FAM222B: variants seen among roughly 807,000 people sequenced by gnomAD.
FAM222B encodes the protein protein FAM222B.
A neutral mutation model predicts 38.0 loss-of-function variants in FAM222B; 12 were observed. That is an observed-to-expected ratio of 0.32 (90% confidence interval 0.20 to 0.51). The LOEUF (loss-of-function observed/expected upper bound fraction) is 0.51, where lower values mean the gene tolerates loss of function less well. Ranked by LOEUF, FAM222B falls within the 20% of genes least tolerant of loss-of-function variation. The pLI is 0.97. For missense variants in FAM222B, 716 were observed against 754.2 expected, an observed-to-expected ratio of 0.95 and a Z score of 0.59; for synonymous variants, 329 against 317.2, an observed-to-expected ratio of 1.04 and a Z score of -0.40.
rs71135852 is a variant in FAM222B, at chr17:28,790,884, C to CATTTTTTTTTTTTTTTTTTTTTTT, written c.-40-24178_-40-24177insAAAAAAAAAAAAAAAAAAAAAAAT. On this transcript the variant is annotated intron_variant, in intron 1 of 2. Transcript: ENST00000581407. ...GTTCTATATATTTCAAATTGTTTCA[C>CATTTTTTTTTTTTTTTTTTTTTTT]TTTTTTTTTTTTTTTTTTTTTTTTT... is the stretch of plus-strand genomic sequence containing the variant. Among the ~76,000 whole-genome samples, 379 of 86,086 alleles carry CATTTTTTTTTTTTTTTTTTTTTTT rather than the reference C, an allele frequency of 4.4e-3. 154 individuals carry two copies. The highest frequency in any genetic ancestry group is 7.6e-3 in the Middle Eastern group (1 of 132). 56.5% of individuals were successfully genotyped at this position (86,086 alleles called of 152,430 possible). A position where few individuals can be genotyped will look rare whatever the true frequency, so the allele number is the denominator to read the frequency against.
intron 1 of FAM222B, among the ~76,000 whole-genome samples, chr17:28,790,915 T>TTTTTTTTTTTTTTTTTTA (rs752443903): frequency 1.7e-5 from 2 of 121,046 alleles, no homozygotes; most frequent in African/African-American, 3.2e-5. Context: ...TTTTTTTTTT[T>TTTTTTTTTTTTTTTTTTA]AGAGACAGAA....
At chr17:28,821,044 C>A (rs1020476280) in intron 1 of FAM222B, among the ~76,000 whole-genome samples, 3 of 151,908 alleles carry the variant, frequency 2.0e-5, no homozygotes, top group Admixed American at 1.3e-4. Context: ...CAACCTCCCC[C>A]ACCTGGGTTC....
At chr17:28,851,897 C>T (rs755832994) in intron 1 of FAM222B, among the ~76,000 whole-genome samples, 2 of 144,332 alleles carry the variant, frequency 1.4e-5, no homozygotes, top group African/African-American at 5.1e-5. Context: ...AAACCAAAAA[C>T]AGAAATTAGC....
At chr17:28,836,797 C>A (rs572903780) in intron 1 of FAM222B, among the ~76,000 whole-genome samples, 2 of 152,148 alleles carry the variant, frequency 1.3e-5, no homozygotes, top group African/African-American at 4.8e-5. Flanking sequence ...TGGTGGATTT[C>A]GTTTCTGCCT....
At chr17:28,767,903 C>A (rs1007508207) in intron 1 of FAM222B, among the ~76,000 whole-genome samples, 5 of 152,172 alleles carry the variant, frequency 3.3e-5, no homozygotes, top group African/African-American at 1.2e-4. Flanking sequence ...TCCTGAACTA[C>A]CTCTCCCACC....
At chr17:28,854,092 C>T (rs904360173) in intron 1 of FAM222B, among the ~76,000 whole-genome samples, 1 of 151,948 alleles carries the variant, frequency 6.6e-6, no homozygotes, top group African/African-American at 2.4e-5. Context: ...TACAGGCGCC[C>T]GCCACCACGC....
chr17:28,841,338 C>G (rs1182749290), intron 1 of FAM222B, among the ~76,000 whole-genome samples: 1 of 152,164 alleles, frequency 6.6e-6, no homozygotes, highest in Non-Finnish European at 1.5e-5. Flanking sequence ...TTTCACATCC[C>G]TCACTGGGCA....
At chr17:28,833,998 C>G (rs1007029196) in intron 1 of FAM222B, among the ~76,000 whole-genome samples, 3 of 152,178 alleles carry the variant, frequency 2.0e-5, no homozygotes, top group Non-Finnish European at 4.4e-5. Context: ...ACATCACATT[C>G]CACTTAGTTG....
intron 1 of FAM222B, among the ~76,000 whole-genome samples, chr17:28,789,590 A>C (rs2151865887): frequency 6.6e-6 from 1 of 152,252 alleles, no homozygotes; most frequent in African/African-American, 2.4e-5. Context: ...CTTCAATTGA[A>C]TTAGAAATGG....
intron 1 of FAM222B, among the ~76,000 whole-genome samples, chr17:28,806,343 T>C (rs1450817916): frequency 2.0e-5 from 3 of 152,280 alleles, no homozygotes; most frequent in East Asian, 3.9e-4. Context: ...GTCCATATCT[T>C]GGTAAAGATG....
intron 1 of FAM222B, among the ~76,000 whole-genome samples, chr17:28,780,954 C>T (rs1337992911): frequency 6.6e-6 from 1 of 151,244 alleles, no homozygotes; most frequent in Non-Finnish European, 1.5e-5. Flanking sequence ...TATTTGCAAA[C>T]CATACATCCA....
intron 1 of FAM222B, among the ~76,000 whole-genome samples, chr17:28,820,445 A>C (rs763824269): frequency 2.0e-5 from 3 of 152,174 alleles, no homozygotes; most frequent in African/African-American, 4.8e-5. Context: ...AATGTCTTTA[A>C]GGTGTTACCT....
intron 1 of FAM222B, among the ~76,000 whole-genome samples, chr17:28,824,805 G>A (rs1052684480): frequency 2.6e-5 from 4 of 151,986 alleles, no homozygotes; most frequent in South Asian, 2.1e-4. Flanking sequence ...GTGGAGTTTC[G>A]CTCTTGTTGA....
At chr17:28,813,433 C>G (rs2037891288) in intron 1 of FAM222B, among the ~76,000 whole-genome samples, 1 of 152,038 alleles carries the variant, frequency 6.6e-6, no homozygotes, top group Non-Finnish European at 1.5e-5. Flanking sequence ...AAGTATATAA[C>G]TGGTATAATA....
At chr17:28,831,037 C>T (rs1300479651) in intron 1 of FAM222B, among the ~76,000 whole-genome samples, 1 of 143,926 alleles carries the variant, frequency 6.9e-6, no homozygotes, top group Non-Finnish European at 1.5e-5. Flanking sequence ...GCTCTGTCAC[C>T]TTGGCTGGAA....
chr17:28,828,568 G>GAAA (rs34469459), intron 1 of FAM222B, among the ~76,000 whole-genome samples: 2 of 127,962 alleles, frequency 1.6e-5, no homozygotes, highest in Admixed American at 7.9e-5. Flanking sequence ...ACTCTGTCAC[G>GAAA]AAAAAAAAAA....
chr17:28,843,793 G>C (rs1270613970), upstream of FAM222B, among the ~76,000 whole-genome samples: 1 of 152,010 alleles, frequency 6.6e-6, no homozygotes, highest in Admixed American at 6.6e-5. Flanking sequence ...ATGTATCGGG[G>C]GTAATTATGT....
At chr17:28,836,234 C>T (rs562840510) in intron 1 of FAM222B, among the ~76,000 whole-genome samples, 8 of 150,788 alleles carry the variant, frequency 5.3e-5, no homozygotes, top group African/African-American at 7.3e-5. Context: ...GTGATCCACC[C>T]GCCTCGGCCT....
chr17:28,830,438 G>A (rs2038626925), intron 1 of FAM222B, among the ~76,000 whole-genome samples: 1 of 152,042 alleles, frequency 6.6e-6, no homozygotes, highest in South Asian at 2.1e-4. Context: ...GGGATTACAG[G>A]TGTGAGCCAC....
Sources: allele counts gnomAD v4.1 joint callset (sites outside exome capture counted in the v4.1 genomes callset), GRCh38; gene constraint gnomAD v4.1.1; transcripts MANE v1.5; gene names NCBI Gene and HGNC (gene_info 2026-07-23, HGNC 2026-07-21).